Variants in DDR2 observed in about 807,000 individuals in gnomAD.
The protein encoded by DDR2 is discoidin domain-containing receptor 2.
A neutral mutation model predicts 94.9 loss-of-function variants in DDR2; 27 were observed. That is an observed-to-expected ratio of 0.28 (90% CI 0.21 to 0.39). The LOEUF (loss-of-function observed/expected upper bound fraction) is 0.39, where lower values mean the gene tolerates loss of function less well. Among genes scored for constraint, DDR2 ranks in the 10% least tolerant of loss-of-function variants. The pLI is 1.00. For synonymous variants in DDR2, 382 were observed against 377.2 expected (o/e 1.01, Z -0.15); for missense variants, 783 against 1,076.0 (o/e 0.73, Z 3.81).
chr1:162,673,702 A>AT (rs1658994431), intron 2 of DDR2, among the ~76,000 whole-genome samples: 1 of 151,222 alleles, frequency 6.6e-6, no homozygotes, highest in South Asian at 2.1e-4. Context: ...TCAGATCTCC[A>AT]TTTTTTCCCT....
intron 2 of DDR2, among the ~76,000 whole-genome samples, chr1:162,715,811 G>A (rs894874339): frequency 6.6e-6 from 1 of 152,184 alleles, no homozygotes; most frequent in African/African-American, 2.4e-5. Flanking sequence ...ACATGGTATA[G>A]GTATAATACT....
At chr1:162,755,793 GA>G (rs1558067779) in intron 7 of DDR2, 24 bp downstream of exon 7, 1 of 1,595,792 alleles carries the variant, frequency 6.3e-7, no homozygotes, top group Admixed American at 1.7e-5. Context: ...AACTTTATTA[GA>G]ATGGGAAATT....
intron 2 of DDR2, among the ~76,000 whole-genome samples, chr1:162,684,093 C>G (rs1659544371): frequency 6.6e-6 from 1 of 152,120 alleles, no homozygotes; most frequent in Non-Finnish European, 1.5e-5. Context: ...ACAAATACAC[C>G]TCTGTGTTGC....
intron 2 of DDR2, among the ~76,000 whole-genome samples, chr1:162,702,213 A>G (rs551861686): frequency 2.0e-5 from 3 of 152,056 alleles, no homozygotes; most frequent in South Asian, 2.1e-4. Context: ...CATATTTTTC[A>G]TCTTTGTTCG....
chr1:162,745,024 A>T (rs1571278079), intron 3 of DDR2, among the ~76,000 whole-genome samples: 1 of 152,216 alleles, frequency 6.6e-6, no homozygotes, highest in South Asian at 2.1e-4. Flanking sequence ...TTTGTTGATG[A>T]TAGTCATCCT....
intron 12 of DDR2, 109 bp downstream of exon 12, chr1:162,770,621 ACCT>A: frequency 9.2e-7 from 1 of 1,091,130 alleles, no homozygotes; most frequent in African/African-American, 1.6e-5. Context: ...GTCTCTGCTA[ACCT>A]CCTGAGAAGT....
At chr1:162,656,705 C>T (rs569979041) in intron 2 of DDR2, among the ~76,000 whole-genome samples, 1 of 152,108 alleles carries the variant, frequency 6.6e-6, no homozygotes, top group South Asian at 2.1e-4. Flanking sequence ...CTATGCTTCA[C>T]CACCAACCAG....
intron 11 of DDR2, 136 bp from the exon 12 acceptor site, chr1:162,770,166 A>C: frequency 2.1e-5 from 17 of 822,088 alleles, no homozygotes; most frequent in Non-Finnish European, 3.2e-5. Flanking sequence ...CTGCATTCCT[A>C]GCACGTGCAG....
chr1:162,758,781 AC>A (rs1164879209), intron 7 of DDR2, among the ~76,000 whole-genome samples: 3 of 152,136 alleles, frequency 2.0e-5, no homozygotes, highest in Non-Finnish European at 4.4e-5. Flanking sequence ...CTAGCTCTAA[AC>A]CTCAAGGGTC....
intron 3 of DDR2, among the ~76,000 whole-genome samples, chr1:162,737,466 T>C (rs1446861004): frequency 7.3e-6 from 1 of 137,164 alleles, no homozygotes; most frequent in South Asian, 2.6e-4. Context: ...ATTTCATCCA[T>C]GTCCCTACAA....
intron 2 of DDR2, among the ~76,000 whole-genome samples, chr1:162,683,300 A>G (rs1659503546): frequency 1.3e-5 from 2 of 152,190 alleles, no homozygotes; most frequent in African/African-American, 2.4e-5. Context: ...TGCCACTCCT[A>G]TTCAACATAG....
chr1:162,677,187 A>G (rs1659171798), intron 2 of DDR2, among the ~76,000 whole-genome samples: 1 of 152,100 alleles, frequency 6.6e-6, no homozygotes, highest in Non-Finnish European at 1.5e-5. Flanking sequence ...GTGAGGATAG[A>G]GGTTTTGCTT....
Position 162,780,413 on chromosome 1 carries a change from A to ATG in DDR2, c.*168_*169insGT. ...CACCCCCACTCCCTACCCCTGACTC[A>ATG]TATACACTTTTTTTTTTTTTTACAT... On this transcript the variant is annotated 3_prime_UTR_variant, in exon 18 of 18. Coordinates refer to ENST00000367921, the MANE Select transcript of DDR2 (RefSeq NM_006182.4). 1 of 758,532 alleles carries ATG rather than the reference A, an allele frequency of 1.3e-6. No homozygotes were observed. Among genetic ancestry groups the ATG allele is most frequent in the Non-Finnish European group, 1.9e-6 (1 of 535,130 alleles). The allele number at this position is 758,532 out of a possible 1,614,324, so 47.0% of individuals were successfully genotyped here. A position where few individuals can be genotyped will look rare whatever the true frequency, so the allele number is the denominator to read the frequency against.
intron 3 of DDR2, among the ~76,000 whole-genome samples, chr1:162,728,691 C>T (rs1463494375): frequency 6.6e-6 from 1 of 152,128 alleles, no homozygotes; most frequent in Admixed American, 6.5e-5. Flanking sequence ...AAGCAATAAT[C>T]CTCCCTGGGC....
chr1:162,769,205 G>T (rs912193480), intron 11 of DDR2, among the ~76,000 whole-genome samples: 11 of 152,154 alleles, frequency 7.2e-5, no homozygotes, highest in African/African-American at 2.7e-4. Context: ...CAAACATTTT[G>T]CCCTTGAATA....
chr1:162,666,781 G>C (rs1658593942), intron 2 of DDR2, among the ~76,000 whole-genome samples: 1 of 151,894 alleles, frequency 6.6e-6, no homozygotes, highest in Non-Finnish European at 1.5e-5. Flanking sequence ...AAAATAAGAA[G>C]TAAAATTTCT....
chr1:162,725,012 A>C (rs181361450), intron 3 of DDR2, among the ~76,000 whole-genome samples: 18 of 152,160 alleles, frequency 1.2e-4, no homozygotes, highest in African/African-American at 4.3e-4. Context: ...ACAGAAACTC[A>C]TCTGCCCCTT....
chr1:162,744,088 G>T (rs1294192899), intron 3 of DDR2, among the ~76,000 whole-genome samples: 2 of 152,168 alleles, frequency 1.3e-5, no homozygotes, highest in African/African-American at 4.8e-5. Flanking sequence ...TCTAGGGTAG[G>T]ACAAGTGAAG....
chr1:162,760,652 A>G (rs1663682487), intron 8 of DDR2, among the ~76,000 whole-genome samples: 1 of 151,480 alleles, frequency 6.6e-6, no homozygotes, highest in African/African-American at 2.4e-5. Flanking sequence ...AGTCTTCTGA[A>G]TTTTTCCTTC....
Sources: gnomAD v4.1 joint callset for allele counts (sites outside exome capture counted in the v4.1 genomes callset) on GRCh38, gnomAD v4.1.1 for gene constraint, MANE v1.5 for transcripts, NCBI Gene and HGNC (gene_info 2026-07-23, HGNC 2026-07-21) for gene names.